FAM200B: variants seen among roughly 807,000 people sequenced by gnomAD.
FAM200B encodes the protein protein FAM200B.
FAM200B carries 32 observed loss-of-function variants against 33.1 expected under a neutral mutation model. That is an observed-to-expected ratio of 0.97 (90% CI 0.73 to 1.30). The LOEUF (loss-of-function observed/expected upper bound fraction) is 1.30, where lower values mean the gene tolerates loss of function less well. FAM200B is among the 50% of genes most tolerant of loss of function. FAM200B has a pLI of 0.00. For missense variants in FAM200B, 741 were observed against 754.0 expected, an observed-to-expected ratio of 0.98 and a Z score of 0.20; for synonymous variants, 240 against 264.8, an observed-to-expected ratio of 0.91 and a Z score of 0.91.
At chr4:15,678,486 A>T (rs1175578516), upstream of FAM200B, among the ~76,000 whole-genome samples, 2 of 152,218 alleles carry the variant, frequency 1.3e-5, no homozygotes, top group African/African-American at 4.8e-5. Context: ...GTTACAATTC[A>T]TGCAAACGAA....
At chr4:15,661,512 A>G in the FAM200B span, among the ~76,000 whole-genome samples, 1 of 152,232 alleles carries the variant, frequency 6.6e-6, no homozygotes, top group Non-Finnish European at 1.5e-5. Context: ...AACCTTAGGA[A>G]TAGTATTTCA....
the FAM200B span, among the ~76,000 whole-genome samples, chr4:15,658,768 C>A: frequency 6.6e-6 from 1 of 152,150 alleles, no homozygotes; most frequent in South Asian, 2.1e-4. Flanking sequence ...CAGGCACATA[C>A]AGGATGATGT....
At chr4:15,659,915 A>G in the FAM200B span, 6 of 155,230 alleles carry the variant, frequency 3.9e-5, no homozygotes, top group Non-Finnish European at 8.5e-5. Flanking sequence ...AGAAAGTATC[A>G]CAAGTTTCTG....
At chr4:15,638,191 T>C in the FAM200B span, among the ~76,000 whole-genome samples, 1 of 152,314 alleles carries the variant, frequency 6.6e-6, no homozygotes, top group East Asian at 1.9e-4. Context: ...TTCAACAATT[T>C]TGACTGATCG....
Position 15,686,774 on chromosome 4 carries a change from A to G in FAM200B, c.-204A>G, listed in dbSNP as rs764919158. 8 of 334,970 alleles carry G rather than the reference A, an allele frequency of 2.4e-5. No homozygotes were observed. In the South Asian group the frequency reaches 3.9e-4, roughly 16 times the overall value. 20.7% of individuals were successfully genotyped at this position (334,970 alleles called of 1,614,324 possible). A position where few individuals can be genotyped will look rare whatever the true frequency, so the allele number is the denominator to read the frequency against. On this transcript the variant is annotated 5_prime_UTR_variant, in exon 2 of 2. Coordinates refer to ENST00000422728, the MANE Select transcript of FAM200B (RefSeq NM_001145191.2). ...TTCCTGGGTGTCTTGCTTGATTTTC[A>G]TAATAGCACGGTTAATGTTCTATAG...
intron 1 of FAM200B, among the ~76,000 whole-genome samples, chr4:15,685,224 A>G (rs1369337239): frequency 1.3e-5 from 2 of 152,198 alleles, no homozygotes; most frequent in East Asian, 1.9e-4. Context: ...TTGTCATGAA[A>G]GAAGAAATTT....
Position 15,686,940 on chromosome 4 carries a change from A to G in FAM200B, c.-38A>G. The G allele has an allele frequency of 7.3e-6, 8 of 1,102,500 alleles. No homozygotes were observed. The highest frequency in any genetic ancestry group is 9.9e-6 in the Non-Finnish European group (8 of 809,536). The allele number at this position is 1,102,500 out of a possible 1,614,324, so 68.3% of individuals were successfully genotyped here. ...CTTCTTTTTTGAGTTAGTGCCAATT[A>G]TAACATTTTAATCAAACTGGAACAA... On this transcript the variant is annotated 5_prime_UTR_variant, in exon 2 of 2. Coordinates refer to ENST00000422728, the MANE Select transcript of FAM200B (RefSeq NM_001145191.2).
chr4:15,683,058 G>T (rs1181372698), intron 1 of FAM200B, among the ~76,000 whole-genome samples: 1 of 152,180 alleles, frequency 6.6e-6, no homozygotes, highest in African/African-American at 2.4e-5. Context: ...GCGCACTAGA[G>T]ATATATCTTA....
the FAM200B span, among the ~76,000 whole-genome samples, chr4:15,657,415 G>A: frequency 6.6e-6 from 1 of 152,168 alleles, no homozygotes; most frequent in Admixed American, 6.5e-5. Flanking sequence ...ATGCTATGTT[G>A]TCTTGTCCAA....
rs765773022 is a variant in FAM200B at position 15,688,852 on chromosome 4, A to G, written c.1875A>G (p.Glu625=). The G allele has an allele frequency of 7.1e-6, 11 of 1,551,540 alleles. No individual in the cohort carries two copies. Among genetic ancestry groups the G allele is most frequent in the Middle Eastern group, 3.3e-4 (2 of 5,990 alleles). Residue 625 remains glutamate (E), a synonymous_variant, in exon 2 of 2, where the codon GAA becomes GAG. Coordinates refer to ENST00000422728, the MANE Select transcript of FAM200B (RefSeq NM_001145191.2). The stretch of plus-strand genomic sequence containing the variant: ...TCTTAACGCAGTTAAAAACAAAGGA[A>G]AGAAATGGGCTGAATTGTGCAGCAG... The part of the protein sequence containing the change: ...FSILTQLKTK[E]RNGLNCAAVM...
chr4:15,655,720 C>T, the FAM200B span, among the ~76,000 whole-genome samples: 3 of 152,208 alleles, frequency 2.0e-5, no homozygotes, highest in Admixed American at 6.5e-5. Flanking sequence ...CGGTCAGGGC[C>T]GCGAGCTCTG....
At chr4:15,659,003 A>G in the FAM200B span, among the ~76,000 whole-genome samples, 1 of 152,224 alleles carries the variant, frequency 6.6e-6, no homozygotes, top group Non-Finnish European at 1.5e-5. Flanking sequence ...ACTCAGTTTC[A>G]TACTATCCAC....
chr4:15,655,587 C>T, the FAM200B span, among the ~76,000 whole-genome samples: 8 of 152,292 alleles, frequency 5.3e-5, no homozygotes, highest in African/African-American at 1.7e-4. Flanking sequence ...CTGTTTCTTT[C>T]ACTACATGAA....
the FAM200B span, among the ~76,000 whole-genome samples, chr4:15,637,876 A>C: frequency 1.3e-5 from 2 of 151,522 alleles, no homozygotes; most frequent in Admixed American, 1.3e-4. Flanking sequence ...ACTGAACATA[A>C]ATAATTACTG....
intron 1 of FAM200B, 126 bp from the exon 2 acceptor site, chr4:15,686,110 A>G (rs1162686766): frequency 6.6e-6 from 1 of 152,210 alleles, no homozygotes; most frequent in Non-Finnish European, 1.5e-5. Flanking sequence ...AGATAGTGAT[A>G]AAGAGAGCTA....
At chr4:15,673,463 G>A in the FAM200B span, among the ~76,000 whole-genome samples, 2 of 151,816 alleles carry the variant, frequency 1.3e-5, no homozygotes, top group Non-Finnish European at 2.9e-5. Context: ...GATAAAATAA[G>A]GATAAATGTA....
At chr4:15,659,647 G>C in the FAM200B span, 9 of 516,256 alleles carry the variant, frequency 1.7e-5, no homozygotes, top group African/African-American at 1.6e-4. Flanking sequence ...AATGTGTATA[G>C]TGGTCCATAA....
chr4:15,681,994 T>C (rs1237827001), intron 1 of FAM200B, 93 bp downstream of exon 1: 2 of 152,312 alleles, frequency 1.3e-5, no homozygotes, highest in Non-Finnish European at 2.9e-5. Context: ...TACAGTCTGG[T>C]TTTGCCCCCC....
rs905251428 is a variant in FAM200B, at chr4:15,687,166, T to C, written c.189T>C (p.Tyr63=). 1.4e-5 allele frequency: 22 copies of C among 1,542,636 alleles called. No homozygotes were observed. The highest frequency in any genetic ancestry group is 1.7e-5 in the Non-Finnish European group (20 of 1,143,396). ...AGAAAAAAGTAAGTGCAAGACGTTA[T>C]AATGAAGATTACTTAAAATATGGCT... ...FKKKKVSARR[Y]NEDYLKYGFI... is the part of the protein sequence containing the mutation. The change falls in exon 2 of 2, where the codon TAT becomes TAC. Residue 63 remains tyrosine, a synonymous_variant. Coordinates refer to ENST00000422728, the MANE Select transcript of FAM200B (RefSeq NM_001145191.2).
Sources: gnomAD v4.1 joint callset for allele counts (sites outside exome capture counted in the v4.1 genomes callset) on GRCh38, gnomAD v4.1.1 for gene constraint, MANE v1.5 for transcripts, NCBI Gene and HGNC (gene_info 2026-07-23, HGNC 2026-07-21) for gene names.